Variants in TMEM131L observed in about 807,000 individuals in gnomAD.
TMEM131L encodes the protein transmembrane 131 like.
A neutral mutation model predicts 192.2 loss-of-function variants in TMEM131L; 54 were observed. The ratio of observed to expected loss-of-function variants is 0.28; its 90% CI spans 0.23 to 0.35. The LOEUF (loss-of-function observed/expected upper bound fraction) is 0.35. Among genes scored for constraint, TMEM131L ranks in the 10% least tolerant of loss-of-function variants. The probability of loss-of-function intolerance (pLI) is 1.00; values close to 1 mark genes in which losing one functional copy is unlikely to be tolerated. For missense variants in TMEM131L, 1,888 were observed against 1,972.9 expected, an observed-to-expected ratio of 0.96 and a Z score of 0.82; for synonymous variants, 701 against 704.9, an observed-to-expected ratio of 0.99 and a Z score of 0.09.
intron 3 of TMEM131L, among the ~76,000 whole-genome samples, chr4:153,523,369 G>A (rs1187784907): frequency 6.6e-6 from 1 of 152,202 alleles, no homozygotes; most frequent in Non-Finnish European, 1.5e-5. Flanking sequence ...TAGGCAGTTT[G>A]CCTTAAGCTA....
rs928533071 is a variant in TMEM131L at position 153,580,966 on chromosome 4, A to T, written c.738+63A>T. 2.7e-5 allele frequency: 33 copies of T among 1,227,104 alleles called. No homozygotes were observed. The African/African-American group carries it at 5.0e-4, about 19-fold the overall frequency. The allele number at this position is 1,227,104 out of a possible 1,614,324, so 76.0% of individuals were successfully genotyped here. A position where few individuals can be genotyped will look rare whatever the true frequency, so the allele number is the denominator to read the frequency against. ...TCCTGCCTCTTTGCTTAAAAATAAAACACAAGGCTGGGCGCTGTGGCTCAT... is the reference window on the plus strand; with the variant it reads ...TCCTGCCTCTTTGCTTAAAAATAAATCACAAGGCTGGGCGCTGTGGCTCAT... On this transcript the variant is annotated intron_variant, in intron 8 of 34. Transcript: ENST00000409959.
chr4:153,573,271 G>T (rs1053855678), intron 7 of TMEM131L, among the ~76,000 whole-genome samples: 1 of 152,200 alleles, frequency 6.6e-6, no homozygotes, highest in African/African-American at 2.4e-5. Context: ...TCGCCACAGC[G>T]ATGCCTGCTT....
intron 3 of TMEM131L, among the ~76,000 whole-genome samples, chr4:153,526,432 C>G (rs1735488720): frequency 6.6e-6 from 1 of 152,068 alleles, no homozygotes; most frequent in South Asian, 2.1e-4. Flanking sequence ...CACTCCCTGC[C>G]CTCAGGAAGC....
At chr4:153,521,957 A>C (rs1735149655) in intron 3 of TMEM131L, among the ~76,000 whole-genome samples, 1 of 151,820 alleles carries the variant, frequency 6.6e-6, no homozygotes, top group South Asian at 2.1e-4. Flanking sequence ...GAATAAAAAG[A>C]TTACATTATT....
chr4:153,561,964 A>AG (rs1728873420), intron 7 of TMEM131L, among the ~76,000 whole-genome samples: 1 of 64,004 alleles, frequency 1.6e-5, no homozygotes, highest in South Asian at 3.9e-4. Context: ...TCTGAATATC[A>AG]AAAAAAAAAA....
At chr4:153,608,640 C>T (rs1011446521) in intron 25 of TMEM131L, among the ~76,000 whole-genome samples, 1 of 152,134 alleles carries the variant, frequency 6.6e-6, no homozygotes, top group Admixed American at 6.6e-5. Flanking sequence ...AATTACATTC[C>T]TCACCTTTCT....
intron 3 of TMEM131L, among the ~76,000 whole-genome samples, chr4:153,499,533 T>A (rs1220261795): frequency 1.3e-5 from 2 of 151,932 alleles, no homozygotes; most frequent in Non-Finnish European, 2.9e-5. Context: ...TTCAAGTGAT[T>A]CTCCTGCCTC....
intron 11 of TMEM131L, 62 bp downstream of exon 11, chr4:153,583,734 C>G (rs1033745258): frequency 3.3e-6 from 3 of 903,490 alleles, no homozygotes; most frequent in South Asian, 2.9e-5. Context: ...GATGGCAACT[C>G]TTTCTACAAC....
At chr4:153,483,226 G>T (rs1000152569) in intron 3 of TMEM131L, among the ~76,000 whole-genome samples, 4 of 152,196 alleles carry the variant, frequency 2.6e-5, no homozygotes, top group Admixed American at 2.6e-4. Context: ...GATTGCCTTT[G>T]GGAGAAGTGG....
At chr4:153,564,738 T>C (rs1427183293) in intron 7 of TMEM131L, among the ~76,000 whole-genome samples, 2 of 152,210 alleles carry the variant, frequency 1.3e-5, no homozygotes, top group African/African-American at 4.8e-5. Context: ...CCAGTTCACA[T>C]GTCACTCTGC....
intron 2 of TMEM131L, among the ~76,000 whole-genome samples, chr4:153,471,756 C>G (rs1465571478): frequency 6.6e-6 from 1 of 152,176 alleles, no homozygotes; most frequent in African/African-American, 2.4e-5. Context: ...GCTGGGCAGG[C>G]TCAGTGCTCC....
chr4:153,470,450 G>T (rs1404702416), intron 2 of TMEM131L, among the ~76,000 whole-genome samples: 1 of 150,498 alleles, frequency 6.6e-6, no homozygotes, highest in Non-Finnish European at 1.5e-5. Flanking sequence ...ATATCTTTTT[G>T]TTATATACTC....
rs1180745229 is a variant in TMEM131L, at chr4:153,604,299, A to C, written c.3287A>C (p.Asn1096Thr). The change falls in exon 25 of 35, where the codon AAC becomes ACC. Residue 1096 changes from asparagine (N) to threonine (T), a missense_variant. Physicochemically the swap from Asn to Thr is moderately conservative, Grantham distance 65 (BLOSUM62 0). Transcript: ENST00000409959. The part of the protein sequence containing the change: ...PKETDIKTSE[N>T]TAEFKERELC... ...GAAACTGACATTAAAACTTCAGAGA[A>C]CACAGCCGAGTTCAAGGAACGGGAG... 1 of 1,614,198 alleles carries C rather than the reference A, an allele frequency of 6.2e-7. No homozygotes were observed.
rs12505606 is a variant in TMEM131L at position 153,621,919 on chromosome 4, T to G, written c.3859+70T>G. On this transcript the variant is annotated intron_variant, in intron 28 of 34. Coordinates refer to ENST00000409959, the MANE Select transcript of TMEM131L (RefSeq NM_001131007.2). ...TTTGTTTCCTCAATGAAGTATCTAATAAGAGAAATGACACCTCAGTGATTT... is the reference window on the plus strand; with the variant it reads ...TTTGTTTCCTCAATGAAGTATCTAAGAAGAGAAATGACACCTCAGTGATTT... 2.1e-6 allele frequency: 3 copies of G among 1,437,914 alleles called. No individual in the cohort carries two copies. The Admixed American group carries it at 5.6e-5, about 27-fold the overall frequency. The allele number at this position is 1,437,914 out of a possible 1,614,324, so 89.1% of individuals were successfully genotyped here.
chr4:153,623,091 C>T lies in TMEM131L; in HGVS notation c.4045+8C>T. The stretch of plus-strand genomic sequence containing the variant: ...AGCACTTCCTGCCGGCCGGTGAGTC[C>T]TGAGCAGAGCCCCAGGCACTCTCGG... On this transcript the variant is annotated splice_region_variant and intron_variant, in intron 29 of 34. Coordinates refer to ENST00000409959, the MANE Select transcript of TMEM131L (RefSeq NM_001131007.2). The T allele has an allele frequency of 6.3e-7, 1 of 1,579,364 alleles. No homozygotes were observed.
intron 25 of TMEM131L, among the ~76,000 whole-genome samples, chr4:153,609,853 T>C (rs185846796): frequency 5.3e-5 from 8 of 152,344 alleles, no homozygotes; most frequent in Admixed American, 3.3e-4. Flanking sequence ...TTCATACTTA[T>C]GGCTTCCAGA....
In TMEM131L at chr4:153,592,455, T is replaced by C; in HGVS notation, c.1813-20T>C. On this transcript the variant is annotated intron_variant, in intron 17 of 34. Transcript: ENST00000409959. ...GCTGTGTCCCTCTCGGGGTTTTAAC[T>C]TTTCTTTCCTCACACCTAGATCAAG... 1 of 1,589,190 alleles carries C rather than the reference T, an allele frequency of 6.3e-7. No individual in the cohort carries two copies. The highest frequency in any genetic ancestry group is 8.6e-7 in the Non-Finnish European group (1 of 1,157,382).
At chr4:153,491,915 A>C (rs1363756956) in intron 3 of TMEM131L, among the ~76,000 whole-genome samples, 1 of 152,130 alleles carries the variant, frequency 6.6e-6, no homozygotes, top group Non-Finnish European at 1.5e-5. Context: ...CATGTTTCCC[A>C]GGCTGGTCTT....
At position 153,534,443 on chromosome 4, in the gene TMEM131L, A is replaced by T. The variant is rs550670278; in HGVS notation, c.240-15630A>T. 6.5e-4 allele frequency among the ~76,000 whole-genome samples: 99 copies of T among 151,564 alleles called. 1 individual carries two copies. The highest frequency in any genetic ancestry group is 6.9e-3 in the Middle Eastern group (2 of 290). On this transcript the variant is annotated intron_variant, in intron 3 of 34. Transcript: ENST00000409959. Reference sequence around the variant, plus strand: ...GGTGGAGGATTTATTTTTATTTTTTATTTTTTTTGAGACAGAGTCTTGCTC... The same window carrying T: ...GGTGGAGGATTTATTTTTATTTTTTTTTTTTTTTGAGACAGAGTCTTGCTC...
Sources: allele counts gnomAD v4.1 joint callset (sites outside exome capture counted in the v4.1 genomes callset), GRCh38; gene constraint gnomAD v4.1.1; transcripts MANE v1.5; gene names NCBI Gene and HGNC (gene_info 2026-07-23, HGNC 2026-07-21).